NID1: variants seen among roughly 807,000 people sequenced by gnomAD.
The protein encoded by NID1 is nidogen 1.
A neutral mutation model predicts 130.6 loss-of-function variants in NID1; 76 were observed. That is an observed-to-expected ratio of 0.58 (90% CI 0.48 to 0.70). The LOEUF (loss-of-function observed/expected upper bound fraction) is 0.70, where lower values mean the gene tolerates loss of function less well. NID1 is among the 30% of genes least tolerant of loss of function. The probability of loss-of-function intolerance (pLI) is 0.00; values close to 1 mark genes in which losing one functional copy is unlikely to be tolerated. For synonymous variants in NID1, 665 were observed against 675.1 expected (o/e 0.98, Z 0.23); for missense variants, 1,517 against 1,664.8 (o/e 0.91, Z 1.54).
At chr1:236,054,117 G>GA (rs1325272773) in intron 1 of NID1, among the ~76,000 whole-genome samples, 1 of 151,712 alleles carries the variant, frequency 6.6e-6, no homozygotes, top group South Asian at 2.1e-4. Flanking sequence ...AAATTTTAAA[G>GA]AAAAAAAAGA....
At chr1:236,039,614 G>A (rs1037114585) in intron 4 of NID1, among the ~76,000 whole-genome samples, 1 of 151,988 alleles carries the variant, frequency 6.6e-6, no homozygotes, top group Non-Finnish European at 1.5e-5. Flanking sequence ...TAATAATCCC[G>A]AGCAAATTAA....
At chr1:235,991,131 C>A (rs1388335244) in intron 13 of NID1, 73 bp from the exon 14 acceptor site, 429 of 1,063,842 alleles carry the variant, frequency 4.0e-4, no homozygotes, top group Non-Finnish European at 4.7e-4. Context: ...ACACACACCC[C>A]CACACACATG....
At chr1:236,057,088 G>T (rs571178342) in intron 1 of NID1, among the ~76,000 whole-genome samples, 8 of 152,048 alleles carry the variant, frequency 5.3e-5, no homozygotes, top group African/African-American at 1.7e-4. Context: ...GTGAAATCCC[G>T]TCTCTACTAA....
At chr1:236,063,471 CA>C (rs34798558) in intron 1 of NID1, among the ~76,000 whole-genome samples, 31,969 of 136,940 alleles carry the variant, frequency 0.23, 3,978 homozygotes, top group Admixed American at 0.34. Flanking sequence ...GACTCTGTCT[CA>C]AAAAAAAAAA....
At chr1:235,982,374 A>G (rs1657463022) in intron 15 of NID1, among the ~76,000 whole-genome samples, 1 of 152,168 alleles carries the variant, frequency 6.6e-6, no homozygotes, top group Admixed American at 6.5e-5. Flanking sequence ...TGAACTTAGA[A>G]CTTAGGCAGA....
At position 236,012,040 on chromosome 1, in the gene NID1, A is replaced by G; in HGVS notation, c.2408T>C (p.Val803Ala). 6.2e-7 allele frequency: 1 copy of G among 1,612,620 alleles called. No individual in the cohort carries two copies. The highest frequency in any genetic ancestry group is 8.5e-7 in the Non-Finnish European group (1 of 1,178,744). ...ACATCGGCTTGGCTGGCATTCATCT[A>G]CATCTGTAAAACAGCCACCAGGCCC... is the stretch of plus-strand genomic sequence containing the variant. ...FSGDGQACQDVDECQPSRCHP... is the reference protein window; with the variant it reads ...FSGDGQACQDADECQPSRCHP... Residue 803 changes from valine (V) to alanine (A), a missense_variant, in exon 12 of 20, where the codon GTA (valine) becomes GCA (alanine). Coordinates refer to ENST00000264187, the MANE Select transcript of NID1 (RefSeq NM_002508.3).
At chr1:236,024,696 GA>G (rs1449036029) in intron 8 of NID1, among the ~76,000 whole-genome samples, 2 of 151,954 alleles carry the variant, frequency 1.3e-5, no homozygotes, top group Non-Finnish European at 1.5e-5. Flanking sequence ...AAAGACAACC[GA>G]AAAAAGGGAA....
intron 1 of NID1, among the ~76,000 whole-genome samples, chr1:236,053,221 A>G (rs1197766833): frequency 6.6e-6 from 1 of 152,006 alleles, no homozygotes; most frequent in Non-Finnish European, 1.5e-5. Context: ...ATTTATTTCA[A>G]TGTTTAATAC....
chr1:236,023,972 T>C, intron 9 of NID1, 98 bp downstream of exon 9: 3 of 1,487,994 alleles, frequency 2.0e-6, no homozygotes, highest in Non-Finnish European at 2.8e-6. Flanking sequence ...ATCTCATCCG[T>C]GCTTCCTTGC....
chr1:236,053,352 G>A (rs1193915299), intron 1 of NID1, among the ~76,000 whole-genome samples: 2 of 152,142 alleles, frequency 1.3e-5, no homozygotes, highest in East Asian at 3.8e-4. Context: ...AGTTATGCAT[G>A]TTTAGCTTGA....
intron 15 of NID1, among the ~76,000 whole-genome samples, chr1:235,983,670 G>A (rs1313959531): frequency 6.6e-6 from 1 of 152,112 alleles, no homozygotes; most frequent in Non-Finnish European, 1.5e-5. Flanking sequence ...TCAAACCCAA[G>A]AGCAACCAAC....
chr1:236,029,443 C>T, intron 7 of NID1, 107 bp downstream of exon 7: 14 of 1,072,494 alleles, frequency 1.3e-5, no homozygotes, highest in Non-Finnish European at 1.9e-5. Context: ...GTGTATTTCC[C>T]TCTCCAGATC....
chr1:236,019,807 T>C (rs1658700822), intron 9 of NID1, among the ~76,000 whole-genome samples: 1 of 152,136 alleles, frequency 6.6e-6, no homozygotes, highest in Admixed American at 6.6e-5. Flanking sequence ...TCTGGGAGGC[T>C]GAGGCAGGCA....
rs552541289 is a variant in NID1, at chr1:236,000,401, G to T, written c.2528-6529C>A. Among the ~76,000 whole-genome samples the T allele has an allele frequency of 1.3e-3, 191 of 152,298 alleles. 1 individual carries two copies. The highest frequency in any genetic ancestry group is 4.5e-3 in the African/African-American group (185 of 41,562). On this transcript the variant is annotated intron_variant, in intron 12 of 19. Transcript: ENST00000264187. ...AGACATTCCTTTCTATTGGTTCCAG[G>T]TTTTTAGATAATAACTCAACCAATT... is the stretch of plus-strand genomic sequence containing the variant.
chr1:236,056,509 TCTAA>T (rs1384266823), intron 1 of NID1, among the ~76,000 whole-genome samples: 3 of 152,246 alleles, frequency 2.0e-5, no homozygotes, highest in Non-Finnish European at 2.9e-5. Flanking sequence ...AATCTTCTTT[TCTAA>T]CTATTTTGAA....
chr1:236,024,806 C>T (rs1185654812), intron 8 of NID1, among the ~76,000 whole-genome samples: 2 of 152,168 alleles, frequency 1.3e-5, no homozygotes, highest in Non-Finnish European at 2.9e-5. Flanking sequence ...CACAAAAGCT[C>T]CCTAAACCTC....
chr1:235,991,050 T>C lies in NID1; in HGVS notation c.2764A>G (p.Thr922Ala). 1 of 1,591,250 alleles carries C rather than the reference T, an allele frequency of 6.3e-7. No individual in the cohort carries two copies. The highest frequency in any genetic ancestry group is 2.2e-5 in the East Asian group (1 of 44,812). ...RPGMTPPCLS[T>A]VAPPIHQGPA... is the part of the protein sequence containing the mutation. ...CCTTGGTGAATCGGGGGAGCCACTG[T>C]ACTCAGACCTGCATGGCAGAGGGGG... The change falls in exon 14 of 20, where the codon ACA becomes GCA. Residue 922 changes from threonine to alanine, a missense_variant. Thr to Ala is a moderately conservative substitution (Grantham distance 58). Transcript: ENST00000264187.
chr1:235,997,832 T>A (rs373314880), intron 12 of NID1, among the ~76,000 whole-genome samples: 2 of 152,144 alleles, frequency 1.3e-5, no homozygotes, highest in African/African-American at 4.8e-5. Context: ...GGTCTCGAAC[T>A]CCTGACCTCA....
chr1:235,989,641 G>A (rs535230722), intron 14 of NID1, among the ~76,000 whole-genome samples: 2 of 152,326 alleles, frequency 1.3e-5, no homozygotes, highest in South Asian at 2.1e-4. Flanking sequence ...GGTATTTAAT[G>A]CATCACATAG....
Sources: gnomAD v4.1 joint callset for allele counts (sites outside exome capture counted in the v4.1 genomes callset) on GRCh38, gnomAD v4.1.1 for gene constraint, MANE v1.5 for transcripts, NCBI Gene and HGNC (gene_info 2026-07-23, HGNC 2026-07-21) for gene names.